Variants in RALGPS1 observed in about 807,000 individuals in gnomAD.
RALGPS1 encodes ras-specific guanine nucleotide-releasing factor RalGPS1.
RALGPS1 carries 19 observed loss-of-function variants against 78.8 expected under a neutral mutation model. That is an observed-to-expected ratio of 0.24 (90% CI 0.17 to 0.35). RALGPS1 has a LOEUF of 0.35. Among genes scored for constraint, RALGPS1 ranks in the 10% least tolerant of loss-of-function variants. The pLI is 1.00. For missense variants in RALGPS1, 454 were observed against 688.3 expected, an observed-to-expected ratio of 0.66 and a Z score of 3.81; for synonymous variants, 228 against 256.3, an observed-to-expected ratio of 0.89 and a Z score of 1.06.
chr9:127,075,311 A>C lies in RALGPS1; in HGVS notation c.610+5955A>C, dbSNP rs1470265714. 2.0e-5 allele frequency among the ~76,000 whole-genome samples: 3 copies of C among 152,338 alleles called. No homozygotes were observed. In the East Asian group the frequency reaches 5.8e-4, roughly 29 times the overall value. On this transcript the variant is annotated intron_variant, in intron 8 of 18. Coordinates refer to ENST00000259351, the MANE Select transcript of RALGPS1 (RefSeq NM_014636.3). Reference sequence around the variant, plus strand: ...GTTGCATCTGACATATACAAGTCAGAGGGAGAGAAGAGGAGGTGACTGCCA... The same window carrying C: ...GTTGCATCTGACATATACAAGTCAGCGGGAGAGAAGAGGAGGTGACTGCCA...
intron 8 of RALGPS1, among the ~76,000 whole-genome samples, chr9:127,099,302 G>A (rs1349990405): frequency 6.6e-6 from 1 of 152,228 alleles, no homozygotes; most frequent in African/African-American, 2.4e-5. Flanking sequence ...AGAGGCTTCT[G>A]TGATATCACT....
intron 8 of RALGPS1, among the ~76,000 whole-genome samples, chr9:127,121,143 A>G (rs1328123636): frequency 1.3e-5 from 2 of 152,202 alleles, no homozygotes; most frequent in Admixed American, 6.5e-5. Context: ...TGCCTGTGCT[A>G]TAGGGTGGTC....
chr9:126,963,862 A>G (rs1256803832), intron 2 of RALGPS1, among the ~76,000 whole-genome samples: 1 of 152,166 alleles, frequency 6.6e-6, no homozygotes, highest in Non-Finnish European at 1.5e-5. Context: ...ACCCTGATAT[A>G]TTCTGTTTTC....
At chr9:127,207,231 C>T (rs1588564514) in intron 14 of RALGPS1, among the ~76,000 whole-genome samples, 1 of 152,102 alleles carries the variant, frequency 6.6e-6, no homozygotes, top group South Asian at 2.1e-4. Context: ...TCCTCCTGCT[C>T]ATCATCACCT....
Position 127,212,963 on chromosome 9 carries a change from A to C in RALGPS1, c.1466A>C (p.Lys489Thr). 6.2e-7 allele frequency: 1 copy of C among 1,614,154 alleles called. No homozygotes were observed. Among genetic ancestry groups the C allele is most frequent in the Non-Finnish European group, 8.5e-7 (1 of 1,180,028 alleles). The change falls in exon 17 of 19, where the codon AAA becomes ACA. Residue 489 changes from lysine to threonine, a missense_variant. Physicochemically the swap from Lys to Thr is moderately conservative, Grantham distance 78. Coordinates refer to ENST00000259351, the MANE Select transcript of RALGPS1 (RefSeq NM_014636.3). This position sits in a 1 kb window ranked among gnomAD's most constrained non-coding sequence, Gnocchi z 6.0. ...CTCCAGTATAAATCCACACCTGGCA[A>C]AAAGGTTTCCATCGTGGGCTGGATG... ...DRKHYKSTPG[K>T]KVSIVGWMVQ... is the part of the protein sequence containing the mutation.
chr9:126,948,993 A>G (rs1248535791), intron 1 of RALGPS1, among the ~76,000 whole-genome samples: 1 of 150,506 alleles, frequency 6.6e-6, no homozygotes, highest in Non-Finnish European at 1.5e-5. Flanking sequence ...CAGTCCCCAG[A>G]GTGTGATGTT....
In RALGPS1 at chr9:127,212,834, G is replaced by A; in HGVS notation, c.1447-110G>A. ...ATCTGTGTGAACTGCGGAGGATGCA[G>A]GTGGGAAGGCGGCAGGGGAGGGAGG... On this transcript the variant is annotated intron_variant, in intron 16 of 18. Transcript: ENST00000259351. This position sits in a 1 kb window ranked among gnomAD's most constrained non-coding sequence, Gnocchi z 6.0. 1 of 1,561,048 alleles carries A rather than the reference G, an allele frequency of 6.4e-7. No homozygotes were observed. The highest frequency in any genetic ancestry group is 8.7e-7 in the Non-Finnish European group (1 of 1,143,092).
At chr9:126,953,382 T>TGTGTGTGTGCGC in intron 1 of RALGPS1, among the ~76,000 whole-genome samples, 1 of 151,950 alleles carries the variant, frequency 6.6e-6, no homozygotes, top group Admixed American at 6.6e-5. Flanking sequence ...TGCGTGTGTG[T>TGTGTGTGTGCGC]GTGTGTGTGC....
chr9:127,097,221 A>G (rs2053227479), intron 8 of RALGPS1, among the ~76,000 whole-genome samples: 1 of 152,128 alleles, frequency 6.6e-6, no homozygotes, highest in African/African-American at 2.4e-5. Context: ...TTCTTTGCCC[A>G]TTTTTCAACG....
At chr9:127,166,820 A>T (rs1256474359) in intron 9 of RALGPS1, among the ~76,000 whole-genome samples, 1 of 152,152 alleles carries the variant, frequency 6.6e-6, no homozygotes, top group East Asian at 1.9e-4. Flanking sequence ...TGTGCCCATG[A>T]TGGTGGGGTG....
chr9:127,086,914 C>T (rs577478879), intron 8 of RALGPS1, among the ~76,000 whole-genome samples: 15 of 152,248 alleles, frequency 9.9e-5, no homozygotes, highest in Non-Finnish European at 8.8e-5. Flanking sequence ...TAAGATCCTA[C>T]GCTAATGCAG....
chr9:127,052,810 T>C, intron 6 of RALGPS1, 37 bp from the exon 7 acceptor site: 1 of 1,367,686 alleles, frequency 7.3e-7, no homozygotes, highest in Non-Finnish European at 1.0e-6. Context: ...CTGTTGTTTA[T>C]AGCAGCAAAA....
At chr9:127,142,281 A>G (rs1485799250) in intron 8 of RALGPS1, among the ~76,000 whole-genome samples, 1 of 152,194 alleles carries the variant, frequency 6.6e-6, no homozygotes, top group African/African-American at 2.4e-5. Context: ...CAACAGTAGG[A>G]GTAGAGTGTC....
intron 12 of RALGPS1, 98 bp from the exon 13 acceptor site, chr9:127,196,376 C>T (rs2061347879): frequency 1.1e-5 from 16 of 1,417,740 alleles, no homozygotes; most frequent in Non-Finnish European, 1.5e-5. Context: ...AGGCCTTTTT[C>T]CTGCAGCTGC....
At chr9:127,006,038 C>A (rs927594962) in intron 4 of RALGPS1, among the ~76,000 whole-genome samples, 2 of 152,192 alleles carry the variant, frequency 1.3e-5, no homozygotes, top group African/African-American at 2.4e-5. Context: ...ACTCAACAAA[C>A]TGGGCATCAA....
At chr9:127,174,195 G>C (rs2059713410) in intron 10 of RALGPS1, among the ~76,000 whole-genome samples, 1 of 150,744 alleles carries the variant, frequency 6.6e-6, no homozygotes, top group Non-Finnish European at 1.5e-5. Flanking sequence ...TTCCAGCCTG[G>C]CGACAGAGCA....
intron 8 of RALGPS1, among the ~76,000 whole-genome samples, chr9:127,120,219 T>C (rs1176658600): frequency 2.6e-5 from 4 of 152,214 alleles, no homozygotes; most frequent in African/African-American, 7.2e-5. Flanking sequence ...CATTTTCTTA[T>C]CCACTATGGT....
intron 11 of RALGPS1, among the ~76,000 whole-genome samples, chr9:127,187,391 A>G (rs188328800): frequency 6.6e-6 from 1 of 152,244 alleles, no homozygotes; most frequent in East Asian, 1.9e-4. Context: ...CCACCACAAG[A>G]GTGCGGCACA....
chr9:127,091,678 A>T lies in RALGPS1; in HGVS notation c.610+22322A>T, dbSNP rs1473610471. On this transcript the variant is annotated intron_variant, in intron 8 of 18. Coordinates refer to ENST00000259351, the MANE Select transcript of RALGPS1 (RefSeq NM_014636.3). The surrounding 1 kb of genome is among the most constrained non-coding windows in gnomAD (Gnocchi z 4.3). ...GACTCCACTTTTCCTACCTGTGTAG[A>T]CATCATGATCTCTGTCCAGGGTGGT... The T allele has an allele frequency of 1.2e-6, 2 of 1,613,462 alleles. No homozygotes were observed. The highest frequency in any genetic ancestry group is 1.7e-6 in the Non-Finnish European group (2 of 1,179,950).
Sources: allele counts gnomAD v4.1 joint callset (sites outside exome capture counted in the v4.1 genomes callset), GRCh38; gene constraint gnomAD v4.1.1; non-coding constraint Gnocchi (gnomAD v3.1); transcripts MANE v1.5; gene names NCBI Gene and HGNC (gene_info 2026-07-23, HGNC 2026-07-21).